MCTP2: variants seen among roughly 807,000 people sequenced by gnomAD.
MCTP2 encodes the protein multiple C2 and transmembrane domain-containing protein 2.
MCTP2 carries 132 observed loss-of-function variants against 111.6 expected under a neutral mutation model. The observed-to-expected ratio is 1.18, with a 90% CI of 1.03 to 1.37. The LOEUF (loss-of-function observed/expected upper bound fraction) is 1.37. Ranked by LOEUF, MCTP2 falls within the 40% of genes most tolerant of loss-of-function variation. The probability of loss-of-function intolerance (pLI) is 0.00; values close to 1 mark genes in which losing one functional copy is unlikely to be tolerated. For missense variants in MCTP2, 1,183 were observed against 1,067.9 expected (o/e 1.11, Z -1.50); for synonymous variants, 395 against 387.7 (o/e 1.02, Z -0.22).
rs541895524 is a variant in MCTP2, at chr15:94,478,101, A to G, written c.2569-865A>G. 2.0e-4 allele frequency among the ~76,000 whole-genome samples: 31 copies of G among 152,348 alleles called. 1 individual carries two copies. Among genetic ancestry groups the G allele is most frequent in the Admixed American group, 7.2e-4 (11 of 15,298 alleles). ...GGTCTGTAATACAATGTTTTAAATA[A>G]AGCCATTCCACCAGCAGCCTATCAA... On this transcript the variant is annotated intron_variant, in intron 22 of 22. Transcript: ENST00000357742.
In MCTP2 at chr15:94,458,126, A is replaced by T. The variant is rs371523771; in HGVS notation, c.2251-11A>T. On this transcript the variant is annotated splice_polypyrimidine_tract_variant and intron_variant, in intron 19 of 22. Coordinates refer to ENST00000357742, the MANE Select transcript of MCTP2 (RefSeq NM_001385001.1). The stretch of plus-strand genomic sequence containing the variant: ...AGTAACTGAGTTAAATCTTGCTTTT[A>T]TGTTTTCTAGGAATCTGAGAAAAAG... 1 of 1,500,184 alleles carries T rather than the reference A, an allele frequency of 6.7e-7. No homozygotes were observed. The highest frequency in any genetic ancestry group is 9.3e-7 in the Non-Finnish European group (1 of 1,077,174). The allele number at this position is 1,500,184 out of a possible 1,614,324, so 92.9% of individuals were successfully genotyped here.
chr15:94,276,003 G>A (rs377470051), intron 1 of MCTP2, among the ~76,000 whole-genome samples: 3 of 151,912 alleles, frequency 2.0e-5, no homozygotes, highest in Non-Finnish European at 2.9e-5. Context: ...TTGCCACCAT[G>A]CCCAGCTAAT....
At chr15:94,305,104 T>A (rs185123633) in intron 2 of MCTP2, among the ~76,000 whole-genome samples, 7 of 152,246 alleles carry the variant, frequency 4.6e-5, no homozygotes, top group African/African-American at 1.4e-4. Context: ...CTCTAACCTT[T>A]ACATGACTGT....
intron 4 of MCTP2, among the ~76,000 whole-genome samples, chr15:94,319,137 G>A (rs1052426416): frequency 6.6e-6 from 1 of 151,842 alleles, no homozygotes; most frequent in Non-Finnish European, 1.5e-5. Context: ...ATACCTTGGG[G>A]ATGCCTTCCT....
chr15:94,370,588 A>G (rs1035999355), intron 12 of MCTP2, among the ~76,000 whole-genome samples: 4 of 152,180 alleles, frequency 2.6e-5, no homozygotes, highest in African/African-American at 9.6e-5. Context: ...TTGAAGTCAG[A>G]TCTGGCTGGC....
chr15:94,463,947 C>A (rs986973147), intron 20 of MCTP2, among the ~76,000 whole-genome samples: 3 of 151,568 alleles, frequency 2.0e-5, no homozygotes, highest in Non-Finnish European at 4.4e-5. Context: ...TTCTACAGTC[C>A]CTTTATATCT....
In MCTP2 at chr15:94,389,601, TTTTTG is replaced by T. The variant is rs371796900; in HGVS notation, c.1788+4091_1788+4095del. On this transcript the variant is annotated intron_variant, in intron 14 of 22. Transcript: ENST00000357742. ...TAGGAGAAGGACTTGTTTCTCTGTTTTTTTGTTTTGTTTTGTTTTTTAACGTGAGC... is the reference window on the plus strand; with the variant it reads ...TAGGAGAAGGACTTGTTTCTCTGTTTTTTTGTTTTGTTTTTTAACGTGAGC... 1.8e-3 allele frequency among the ~76,000 whole-genome samples: 280 copies of T among 152,296 alleles called. 1 individual carries two copies. Among genetic ancestry groups the T allele is most frequent in the African/African-American group, 6.5e-3 (269 of 41,568 alleles).
chr15:94,332,895 A>G (rs1198327701), intron 4 of MCTP2, among the ~76,000 whole-genome samples: 1 of 152,246 alleles, frequency 6.6e-6, no homozygotes, highest in African/African-American at 2.4e-5. Flanking sequence ...ATATGCACAG[A>G]CATACACATA....
intron 21 of MCTP2, among the ~76,000 whole-genome samples, chr15:94,472,008 A>T (rs1308716752): frequency 1.3e-5 from 2 of 152,210 alleles, no homozygotes; most frequent in Admixed American, 1.3e-4. Context: ...CAGCTGTTAA[A>T]CATTGCTTCT....
chr15:94,387,172 C>T (rs935131368), intron 14 of MCTP2, among the ~76,000 whole-genome samples: 2 of 151,646 alleles, frequency 1.3e-5, no homozygotes, highest in African/African-American at 2.4e-5. Flanking sequence ...TCCCTCTCTC[C>T]TTCCTTCCCT....
At chr15:94,383,584 G>A (rs1357385740) in intron 12 of MCTP2, among the ~76,000 whole-genome samples, 4 of 152,250 alleles carry the variant, frequency 2.6e-5, no homozygotes, top group East Asian at 1.9e-4. Flanking sequence ...CGTCTTACAC[G>A]GCATCAGGCA....
intron 1 of MCTP2, among the ~76,000 whole-genome samples, chr15:94,272,643 A>C (rs181531094): frequency 2.0e-5 from 3 of 152,096 alleles, no homozygotes. Flanking sequence ...TCCAAACAGC[A>C]CTTGAGACTG....
At chr15:94,425,562 A>G (rs1423526433) in intron 17 of MCTP2, among the ~76,000 whole-genome samples, 1 of 151,402 alleles carries the variant, frequency 6.6e-6, no homozygotes, top group African/African-American at 2.4e-5. Context: ...AGTAAAAAAA[A>G]AGAACAAAAA....
intron 10 of MCTP2, among the ~76,000 whole-genome samples, chr15:94,359,590 GC>G (rs1180538996): frequency 1.3e-5 from 2 of 152,184 alleles, no homozygotes; most frequent in African/African-American, 4.8e-5. Flanking sequence ...GAGCATCTCA[GC>G]TTTTGCCTGT....
At chr15:94,292,350 A>G (rs1324588457) in intron 1 of MCTP2, among the ~76,000 whole-genome samples, 1 of 152,230 alleles carries the variant, frequency 6.6e-6, no homozygotes, top group African/African-American at 2.4e-5. Flanking sequence ...AGAGGAAGAA[A>G]TAAAAATACC....
At chr15:94,442,731 T>C (rs2083853048) in intron 18 of MCTP2, among the ~76,000 whole-genome samples, 188 bp from the exon 19 acceptor site, 3 of 152,226 alleles carry the variant, frequency 2.0e-5, no homozygotes, top group African/African-American at 7.2e-5. Context: ...ATGTAGATTA[T>C]GCATATTGTT....
At chr15:94,268,101 T>C (rs1210121397) in intron 1 of MCTP2, among the ~76,000 whole-genome samples, 1 of 151,270 alleles carries the variant, frequency 6.6e-6, no homozygotes. Context: ...CTCCTGACCT[T>C]GTGATGAACC....
intron 9 of MCTP2, among the ~76,000 whole-genome samples, chr15:94,357,065 A>G (rs2078665372): frequency 6.6e-6 from 1 of 152,334 alleles, no homozygotes; most frequent in Non-Finnish European, 1.5e-5. Context: ...AAAAAAAATC[A>G]GTGGACGATT....
rs2074700347 is a variant in MCTP2, at chr15:94,481,045, T to G, written c.*2011T>G. 1.3e-5 allele frequency: 2 copies of G among 152,232 alleles called. 1 individual carries two copies. The highest frequency in any genetic ancestry group is 4.1e-4 in the South Asian group (2 of 4,834). 9.4% of individuals were successfully genotyped at this position (152,232 alleles called of 1,614,324 possible). A position where few individuals can be genotyped will look rare whatever the true frequency, so the allele number is the denominator to read the frequency against. On this transcript the variant is annotated 3_prime_UTR_variant, in exon 23 of 23. Coordinates refer to ENST00000357742, the MANE Select transcript of MCTP2 (RefSeq NM_001385001.1). ...AGGAATGTTAGTTGTAAGTGACATG[T>G]TAAGATTTATACAATTGTCAAAAAC... is the stretch of plus-strand genomic sequence containing the variant.
Sources: gnomAD v4.1 joint callset for allele counts (sites outside exome capture counted in the v4.1 genomes callset) on GRCh38, gnomAD v4.1.1 for gene constraint, MANE v1.5 for transcripts, NCBI Gene and HGNC (gene_info 2026-07-23, HGNC 2026-07-21) for gene names.